The following PPP1R13L variants were observed in gnomAD, a reference collection of about 807,000 sequenced individuals.
PPP1R13L encodes the protein protein phosphatase 1 regulatory subunit 13 like.
Under a neutral mutation model 80.9 loss-of-function variants are expected in PPP1R13L, and 50 were observed. The ratio of observed to expected loss-of-function variants is 0.62; its 90% CI spans 0.49 to 0.78. The LOEUF (loss-of-function observed/expected upper bound fraction) is 0.78, where lower values mean the gene tolerates loss of function less well. Ranked by LOEUF, PPP1R13L falls within the 30% of genes least tolerant of loss-of-function variation. The pLI is 0.00. For synonymous variants in PPP1R13L, 602 were observed against 534.3 expected (o/e 1.13, Z -1.75); for missense variants, 1,200 against 1,205.9 (o/e 1.00, Z 0.07).
At chr19:45,400,602 CT>C (rs57044476) in intron 1 of PPP1R13L, among the ~76,000 whole-genome samples, 1,876 of 138,726 alleles carry the variant, frequency 0.014, 17 homozygotes, top group Non-Finnish European at 0.019. Flanking sequence ...GGCAAATCAC[CT>C]TTTTTTTTTT....
chr19:45,401,850 TG>T (rs1973239335), intron 1 of PPP1R13L: 1 of 152,030 alleles, frequency 6.6e-6, no homozygotes, highest in Non-Finnish European at 1.5e-5. Flanking sequence ...CTGTAATCCT[TG>T]CACTTTGGGA....
At chr19:45,392,383 A>G in intron 7 of PPP1R13L, 43 bp from the exon 8 acceptor site, 1 of 1,573,864 alleles carries the variant, frequency 6.4e-7, no homozygotes, top group Non-Finnish European at 8.7e-7. Context: ...TCCCCAGGAG[A>G]CACCCAACAC....
At chr19:45,400,176 G>A (rs1467816134) in intron 1 of PPP1R13L, among the ~76,000 whole-genome samples, 1 of 151,962 alleles carries the variant, frequency 6.6e-6, no homozygotes, top group Non-Finnish European at 1.5e-5. Flanking sequence ...AGAGGGAAGC[G>A]ACTGCTCAGC....
intron 11 of PPP1R13L, 80 bp downstream of exon 11, chr19:45,385,482 C>A (rs1003311018): frequency 8.4e-6 from 12 of 1,427,398 alleles, no homozygotes; most frequent in Non-Finnish European, 1.0e-5. Flanking sequence ...ACCCTTCTCT[C>A]CCTAGTAGGG....
rs892345809 is a variant in PPP1R13L at position 45,379,776 on chromosome 19, A to C, written c.*414T>G. On this transcript the variant is annotated 3_prime_UTR_variant, in exon 13 of 13. Transcript: ENST00000360957. ...GTAGAGACCAATGTTTCCCACCCAG[A>C]CCCCAAGACTGCTGGGAGAGATGGT... The C allele has an allele frequency of 2.9e-5, 5 of 169,924 alleles. No individual in the cohort carries two copies. The highest frequency in any genetic ancestry group is 6.3e-5 in the Non-Finnish European group (5 of 79,376). The allele number at this position is 169,924 out of a possible 1,614,324, so 10.5% of individuals were successfully genotyped here.
In PPP1R13L at chr19:45,395,635, G is replaced by A. The variant is rs1318174132; in HGVS notation, c.1155C>T (p.His385=). 59 of 1,474,018 alleles carry A rather than the reference G, an allele frequency of 4.0e-5. No homozygotes were observed. The highest frequency in any genetic ancestry group is 5.2e-5 in the Non-Finnish European group (58 of 1,118,336). The allele number at this position is 1,474,018 out of a possible 1,614,324, so 91.3% of individuals were successfully genotyped here. The change falls in exon 7 of 13, where the codon CAC becomes CAT. Residue 385 remains histidine, a synonymous_variant. Coordinates refer to ENST00000360957, the MANE Select transcript of PPP1R13L (RefSeq NM_006663.4). ...IFKLQNAFWE[H]GASRAMLPGS... ...CAGGGAGCATGGCGCGGCTGGCCCC[G>A]TGCTCCCAGAAGGCGTTCTGCAGCT...
At position 45,382,860 on chromosome 19, in the gene PPP1R13L, T is replaced by G. The variant is rs902846814; in HGVS notation, c.2249-134A>C. The G allele has an allele frequency of 2.8e-5, 21 of 762,682 alleles. No homozygotes were observed. The African/African-American group carries it at 3.0e-4, about 11-fold the overall frequency. 47.2% of individuals were successfully genotyped at this position (762,682 alleles called of 1,614,324 possible). A position where few individuals can be genotyped will look rare whatever the true frequency, so the allele number is the denominator to read the frequency against. ...CCACCTGAAATGTTGTGTGTGCCCA[T>G]GGCTGTGGATGGGAACCGGAGCTGG... On this transcript the variant is annotated intron_variant, in intron 11 of 12. Coordinates refer to ENST00000360957, the MANE Select transcript of PPP1R13L (RefSeq NM_006663.4).
rs746827985 is a variant in PPP1R13L, at chr19:45,398,227, C to T, written c.55+37G>A. 6 of 1,613,264 alleles carry T rather than the reference C, an allele frequency of 3.7e-6. No individual in the cohort carries two copies. In the Admixed American group the frequency reaches 1.0e-4, roughly 27 times the overall value. On this transcript the variant is annotated intron_variant, in intron 2 of 12. Transcript: ENST00000360957. Reference sequence around the variant, plus strand: ...AGCACCCCTCGCCCGCTGCCGAGGTCCCCGCCTCGCCAGCCCCGCCCCCTA... The same window carrying T: ...AGCACCCCTCGCCCGCTGCCGAGGTTCCCGCCTCGCCAGCCCCGCCCCCTA...
At chr19:45,383,363 G>A (rs1164715526) in intron 11 of PPP1R13L, among the ~76,000 whole-genome samples, 2 of 132,922 alleles carry the variant, frequency 1.5e-5, no homozygotes, top group African/African-American at 5.8e-5. Context: ...GCAATGGTGC[G>A]GTCTCACTGC....
At chr19:45,383,202 G>A (rs554166558) in intron 11 of PPP1R13L, among the ~76,000 whole-genome samples, 13 of 150,924 alleles carry the variant, frequency 8.6e-5, no homozygotes, top group Non-Finnish European at 4.4e-5. Flanking sequence ...CACCGTGTTA[G>A]CCAGGATGGT....
At chr19:45,403,859 C>T (rs1307388112) in intron 1 of PPP1R13L, among the ~76,000 whole-genome samples, 1 of 151,960 alleles carries the variant, frequency 6.6e-6, no homozygotes, top group Non-Finnish European at 1.5e-5. Flanking sequence ...GTGGAGAGAA[C>T]GGGGAGATAG....
At chr19:45,398,580 C>CT (rs142664704) in intron 1 of PPP1R13L, among the ~76,000 whole-genome samples, 1 of 147,548 alleles carries the variant, frequency 6.8e-6, no homozygotes, top group African/African-American at 2.5e-5. Context: ...TTCTTTTTTT[C>CT]TTTTCTTTTT....
chr19:45,405,356 C>T (rs1339371187), upstream of PPP1R13L, among the ~76,000 whole-genome samples: 1 of 152,200 alleles, frequency 6.6e-6, no homozygotes. Context: ...TTGCCCCACC[C>T]CTTCAGGCGC....
chr19:45,387,272 GA>G (rs914968761), intron 8 of PPP1R13L, among the ~76,000 whole-genome samples: 1 of 150,208 alleles, frequency 6.7e-6, no homozygotes, highest in African/African-American at 2.4e-5. Context: ...AGTCTCAAAA[GA>G]AAAAAAAATG....
intron 11 of PPP1R13L, among the ~76,000 whole-genome samples, chr19:45,385,008 G>A (rs1443802941): frequency 6.6e-6 from 1 of 151,930 alleles, no homozygotes; most frequent in African/African-American, 2.4e-5. Flanking sequence ...TGCCCACACC[G>A]AGATACAACT....
At position 45,382,695 on chromosome 19, in the gene PPP1R13L, G is replaced by T; in HGVS notation, c.2280C>A (p.Ser760Arg). The change falls in exon 12 of 13, where the codon AGC becomes AGA. Residue 760 changes from serine to arginine, a missense_variant. By Grantham distance (110) the Ser-to-Arg change is moderately radical. This residue lies in a region of PPP1R13L where 165 missense variants were observed against 177.1 expected (regional missense o/e 0.93). Transcript: ENST00000360957. ...AGTCCCAGAGAGCGTACACTGCCCC[G>T]CTGTTCATCAGCCCCATACTCTGCT... ...DVEQSMGLMN[S>R]GAVYALWDYS... 3 of 1,614,026 alleles carry T rather than the reference G, an allele frequency of 1.9e-6. No homozygotes were observed. Among genetic ancestry groups the T allele is most frequent in the Non-Finnish European group, 2.5e-6 (3 of 1,180,040 alleles).
chr19:45,397,546 T>G (rs1057102805), intron 3 of PPP1R13L, among the ~76,000 whole-genome samples: 2 of 145,102 alleles, frequency 1.4e-5, no homozygotes, highest in Non-Finnish European at 3.0e-5. Context: ...AGCCTCAACC[T>G]CCCTGGCTTA....
At position 45,379,959 on chromosome 19, in the gene PPP1R13L, C is replaced by G. The variant is rs759631053; in HGVS notation, c.*231G>C. 12 of 458,474 alleles carry G rather than the reference C, an allele frequency of 2.6e-5. No individual in the cohort carries two copies. In the East Asian group the frequency reaches 3.7e-4, roughly 14 times the overall value. 28.4% of individuals were successfully genotyped at this position (458,474 alleles called of 1,614,324 possible). ...GGCAAAAGGAAGTGGTTTCCTGTCCCCAGTGATTTCCAGCCCTTCCCAGAC... is the reference window on the plus strand; with the variant it reads ...GGCAAAAGGAAGTGGTTTCCTGTCCGCAGTGATTTCCAGCCCTTCCCAGAC... On this transcript the variant is annotated 3_prime_UTR_variant, in exon 13 of 13. Coordinates refer to ENST00000360957, the MANE Select transcript of PPP1R13L (RefSeq NM_006663.4).
Position 45,396,680 on chromosome 19 carries a change from GC to G in PPP1R13L, c.576del (p.Gln194ArgfsTer30). The G allele has an allele frequency of 7.0e-7, 1 of 1,434,464 alleles. No individual in the cohort carries two copies. Among genetic ancestry groups the G allele is most frequent in the African/African-American group, 1.5e-5 (1 of 67,008 alleles). The allele number at this position is 1,434,464 out of a possible 1,614,324, so 88.9% of individuals were successfully genotyped here. Reference protein sequence around the residue: ...GSPRGSPLAEGPQAFFPERGP... With the variant: ...GSPRGSPLAEXPQAFFPERGP... ...CCACGCTCGGGGAAGAAGGCCTGGGGCCCCTCCGCCAGGGGGCTGCCGCGGG... is the reference window on the plus strand; with the variant it reads ...CCACGCTCGGGGAAGAAGGCCTGGGGCCCTCCGCCAGGGGGCTGCCGCGGG... On this transcript the variant is annotated frameshift_variant, in exon 4 of 13. Transcript: ENST00000360957. LOFTEE classifies it high-confidence loss of function. The surrounding 1 kb of genome is among the most constrained non-coding windows in gnomAD (Gnocchi z 5.3).
Sources: gnomAD v4.1 joint callset for allele counts (sites outside exome capture counted in the v4.1 genomes callset) on GRCh38, gnomAD v4.1.1 for gene constraint, gnomAD v4.1.1 regional missense constraint, Gnocchi (gnomAD v3.1) non-coding constraint, MANE v1.5 for transcripts, NCBI Gene and HGNC (gene_info 2026-07-23, HGNC 2026-07-21) for gene names.